The following ERG variants were observed in gnomAD, a reference collection of about 807,000 sequenced individuals.
ERG encodes ETS transcription factor ERG, also known as transcriptional regulator ERG.
In ERG, 9 loss-of-function variants were observed where a neutral mutation model predicts 55.3. That is an observed-to-expected ratio of 0.16 (90% CI 0.10 to 0.28). The LOEUF (loss-of-function observed/expected upper bound fraction) is 0.28, where lower values mean the gene tolerates loss of function less well. Among genes scored for constraint, ERG ranks in the 10% least tolerant of loss-of-function variants. The probability of loss-of-function intolerance (pLI) is 1.00; values close to 1 mark genes in which losing one functional copy is unlikely to be tolerated. For synonymous variants in ERG, 223 were observed against 237.3 expected (o/e 0.94, Z 0.55); for missense variants, 434 against 631.6 (o/e 0.69, Z 3.35).
rs543637747 is a variant in ERG, at chr21:38,457,666, A to C, written c.19-12045T>G. 2.9e-4 allele frequency among the ~76,000 whole-genome samples: 44 copies of C among 152,310 alleles called. No individual in the cohort carries two copies. In the South Asian group the frequency reaches 3.5e-3, roughly 12 times the overall value. ...CACATCTATCTTTCCCAGGAAGAAA[A>C]GGAAGCTTCAAGAGCTGGGAAATGC... On this transcript the variant is annotated intron_variant, in intron 1 of 9. Coordinates refer to ENST00000288319, the MANE Select transcript of ERG (RefSeq NM_182918.4).
intron 2 of ERG, among the ~76,000 whole-genome samples, chr21:38,510,659 T>C (rs927748814): frequency 6.6e-6 from 1 of 152,204 alleles, no homozygotes; most frequent in African/African-American, 2.4e-5. Flanking sequence ...ATGTGAAGTA[T>C]CAGCGGCTAC....
chr21:38,418,281 G>GTGTGTGTC (rs1555895857), intron 3 of ERG, among the ~76,000 whole-genome samples: 13 of 150,674 alleles, frequency 8.6e-5, no homozygotes, highest in Non-Finnish European at 1.8e-4. Flanking sequence ...GTGTGTGTGT[G>GTGTGTGTC]TGTGTGTGTG....
At chr21:38,648,261 C>T (rs1257287596) in intron 1 of ERG, among the ~76,000 whole-genome samples, 1 of 152,102 alleles carries the variant, frequency 6.6e-6, no homozygotes, top group Non-Finnish European at 1.5e-5. Flanking sequence ...AGGGTTGGGC[C>T]AGCATTTATT....
intron 1 of ERG, among the ~76,000 whole-genome samples, chr21:38,462,049 T>C (rs1347543104): frequency 6.6e-6 from 1 of 152,140 alleles, no homozygotes; most frequent in African/African-American, 2.4e-5. Context: ...TGGCGCGATC[T>C]TGGCTCACTG....
chr21:38,646,359 A>AT (rs1242945618), intron 1 of ERG, among the ~76,000 whole-genome samples: 1 of 152,000 alleles, frequency 6.6e-6, no homozygotes, highest in African/African-American at 2.4e-5. Flanking sequence ...TTACCATTTA[A>AT]TCTCTCCTAG....
chr21:38,380,301 C>T lies in ERG; in HGVS notation c.*3102G>A. 2 of 1,055,320 alleles carry T rather than the reference C, an allele frequency of 1.9e-6. No homozygotes were observed. The highest frequency in any genetic ancestry group is 2.3e-6 in the Non-Finnish European group (2 of 873,056). 65.4% of individuals were successfully genotyped at this position (1,055,320 alleles called of 1,614,324 possible). A position where few individuals can be genotyped will look rare whatever the true frequency, so the allele number is the denominator to read the frequency against. On this transcript the variant is annotated 3_prime_UTR_variant, in exon 10 of 10. Transcript: ENST00000288319. ...GGCTCCTGCTCCTGGGTTGCAGGTG[C>T]CACATCTGTGCAGAAGGCTTAGGAG...
intron 2 of ERG, among the ~76,000 whole-genome samples, chr21:38,427,838 A>G (rs998979985): frequency 1.3e-5 from 2 of 152,008 alleles, no homozygotes; most frequent in Non-Finnish European, 2.9e-5. Flanking sequence ...GATGCAAATA[A>G]GAAAGAGGAG....
intron 1 of ERG, among the ~76,000 whole-genome samples, chr21:38,616,526 T>C (rs1340939541): frequency 6.6e-6 from 1 of 152,126 alleles, no homozygotes; most frequent in Non-Finnish European, 1.5e-5. Flanking sequence ...TACTTGACCA[T>C]GAACACCGAG....
intron 2 of ERG, among the ~76,000 whole-genome samples, chr21:38,517,397 A>G (rs2059560152): frequency 6.6e-6 from 1 of 152,178 alleles, no homozygotes; most frequent in African/African-American, 2.4e-5. Context: ...TGCAAATCAA[A>G]ACCACAATGA....
intron 6 of ERG, among the ~76,000 whole-genome samples, chr21:38,399,641 C>A (rs1181394373): frequency 6.6e-6 from 1 of 152,214 alleles, no homozygotes; most frequent in Non-Finnish European, 1.5e-5. Flanking sequence ...CCCTCTCTCC[C>A]TGCTCATTAT....
intron 2 of ERG, among the ~76,000 whole-genome samples, chr21:38,511,467 T>G (rs1488911201): frequency 6.6e-6 from 1 of 152,210 alleles, no homozygotes; most frequent in East Asian, 1.9e-4. Flanking sequence ...GAAATTAGAC[T>G]GCACATATGT....
At chr21:38,494,627 T>C (rs1384759682) in intron 1 of ERG, among the ~76,000 whole-genome samples, 1 of 152,256 alleles carries the variant, frequency 6.6e-6, no homozygotes, top group African/African-American at 2.4e-5. Context: ...AGATCTGTTT[T>C]GCAAAACAAA....
intron 2 of ERG, among the ~76,000 whole-genome samples, chr21:38,547,276 T>A (rs2059793623): frequency 6.6e-6 from 1 of 152,220 alleles, no homozygotes; most frequent in Non-Finnish European, 1.5e-5. Flanking sequence ...GATTTATTCT[T>A]GCCAAAATAT....
intron 1 of ERG, among the ~76,000 whole-genome samples, chr21:38,474,974 C>A (rs1406515182): frequency 6.6e-6 from 1 of 152,090 alleles, no homozygotes; most frequent in South Asian, 2.1e-4. Flanking sequence ...ATGCATCTAA[C>A]CTGCACACTA....
the ERG span, among the ~76,000 whole-genome samples, chr21:38,370,207 T>C: frequency 6.6e-6 from 1 of 152,140 alleles, no homozygotes; most frequent in African/African-American, 2.4e-5. Context: ...AGCTTGAGCA[T>C]TGTTTATAAT....
chr21:38,592,255 G>A (rs541358423), intron 1 of ERG, among the ~76,000 whole-genome samples: 5 of 152,324 alleles, frequency 3.3e-5, no homozygotes, highest in African/African-American at 1.2e-4. Context: ...GTGCTCTAAC[G>A]CATCATTGCC....
In ERG at chr21:38,598,417, G is replaced by A. The variant is rs529738586; in HGVS notation, c.-149-13472C>T. On this transcript the variant is annotated intron_variant, in intron 1 of 10. Coordinates refer to the ERG transcript ENST00000398910. ...TGACCATCCACCTGGCCCTGAACAA[G>A]TCCACCTTCTCAGAGTTTTAGTTTC... 2.0e-5 allele frequency among the ~76,000 whole-genome samples: 3 copies of A among 152,328 alleles called. No homozygotes were observed. In the South Asian group the frequency reaches 6.2e-4, roughly 32 times the overall value.
intron 6 of ERG, among the ~76,000 whole-genome samples, chr21:38,398,940 A>T (rs1415825517): frequency 1.3e-5 from 2 of 152,244 alleles, no homozygotes; most frequent in South Asian, 2.1e-4. Context: ...AAAAATTTTT[A>T]AAACCCTAGC....
At chr21:38,453,038 C>G (rs754431210) in intron 1 of ERG, among the ~76,000 whole-genome samples, 1 of 152,348 alleles carries the variant, frequency 6.6e-6, no homozygotes, top group African/African-American at 2.4e-5. Flanking sequence ...ACTTCTATTA[C>G]ATCCAAATGA....
Sources: gnomAD v4.1 joint callset for allele counts (sites outside exome capture counted in the v4.1 genomes callset) on GRCh38, gnomAD v4.1.1 for gene constraint, MANE v1.5 for transcripts, NCBI Gene and HGNC (gene_info 2026-07-23, HGNC 2026-07-21) for gene names.